Variants in DNMT3B observed in about 807,000 individuals in gnomAD.
The protein encoded by DNMT3B is DNA methyltransferase 3 beta, also known as DNA (cytosine-5)-methyltransferase 3B.
Under a neutral mutation model 120.2 loss-of-function variants are expected in DNMT3B, and 37 were observed. That is an observed-to-expected ratio of 0.31 (90% confidence interval 0.24 to 0.40). The LOEUF is 0.40. DNMT3B is among the 10% of genes least tolerant of loss of function. The pLI, the probability that DNMT3B is intolerant of heterozygous loss-of-function variation, is 1.00. For synonymous variants in DNMT3B, 412 were observed against 442.8 expected (o/e 0.93, Z 0.87); for missense variants, 878 against 1,137.3 (o/e 0.77, Z 3.28).
chr20:32,800,780 C>G lies in DNMT3B; in HGVS notation c.1906-55C>G. The G allele has an allele frequency of 6.3e-6, 10 of 1,587,666 alleles. No individual in the cohort carries two copies. In the South Asian group the frequency reaches 9.9e-5, roughly 16 times the overall value. ...CCACGCAAGATTCTAGAAGTGGGTCCAGCTCTCTTTCCCTCTGTCCACACC... is the reference window on the plus strand; with the variant it reads ...CCACGCAAGATTCTAGAAGTGGGTCGAGCTCTCTTTCCCTCTGTCCACACC... On this transcript the variant is annotated intron_variant, in intron 17 of 22. Coordinates refer to ENST00000328111, the MANE Select transcript of DNMT3B (RefSeq NM_006892.4).
At chr20:32,764,825 C>T (rs991030382) in intron 1 of DNMT3B, among the ~76,000 whole-genome samples, 1 of 152,160 alleles carries the variant, frequency 6.6e-6, no homozygotes, top group Non-Finnish European at 1.5e-5. Flanking sequence ...GAGGGGAAGA[C>T]GGTAGCTGGG....
intron 1 of DNMT3B, among the ~76,000 whole-genome samples, chr20:32,772,687 G>C (rs773407448): frequency 2.7e-4 from 41 of 152,176 alleles, no homozygotes; most frequent in Admixed American, 2.2e-3. Flanking sequence ...AGGGCAAAAA[G>C]TTTAGACTCT....
chr20:32,787,128 T>G, intron 5 of DNMT3B, 102 bp from the exon 6 acceptor site: 2 of 1,392,408 alleles, frequency 1.4e-6, no homozygotes, highest in South Asian at 2.3e-5. Context: ...AACTTCAGTC[T>G]TTCCTCTTTC....
intron 12 of DNMT3B, among the ~76,000 whole-genome samples, chr20:32,796,256 C>T (rs763941873): frequency 6.6e-6 from 1 of 152,172 alleles, no homozygotes; most frequent in African/African-American, 2.4e-5. Context: ...ACTCACTCCC[C>T]CATCTGGCTA....
At position 32,781,358 on chromosome 20, in the gene DNMT3B, A is replaced by G. The variant is rs1307425507; in HGVS notation, c.148A>G (p.Arg50Gly). Residue 50 changes from arginine to glycine, a missense_variant, in exon 3 of 23, where the codon AGA becomes GGA. Coordinates refer to ENST00000328111, the MANE Select transcript of DNMT3B (RefSeq NM_006892.4). Reference sequence around the variant, plus strand: ...CCTGGCTGTTTCCTCTACAGGCCGAAGATCAAGCTCGCGACTCTCCAAGAG... The same window carrying G: ...CCTGGCTGTTTCCTCTACAGGCCGAGGATCAAGCTCGCGACTCTCCAAGAG... ...AIRTPEIRGR[R>G]SSSRLSKREV... is the part of the protein sequence containing the mutation. The G allele has an allele frequency of 6.2e-7, 1 of 1,614,158 alleles. No individual in the cohort carries two copies. Among genetic ancestry groups the G allele is most frequent in the Non-Finnish European group, 8.5e-7 (1 of 1,180,022 alleles).
intron 4 of DNMT3B, among the ~76,000 whole-genome samples, chr20:32,785,354 A>G (rs897265477): frequency 3.3e-5 from 5 of 152,080 alleles, no homozygotes; most frequent in African/African-American, 1.2e-4. Context: ...GGTTTTCTCT[A>G]TGTGCCATTT....
At chr20:32,791,922 C>G (rs1000974300) in intron 8 of DNMT3B, among the ~76,000 whole-genome samples, 3 of 152,196 alleles carry the variant, frequency 2.0e-5, no homozygotes, top group Non-Finnish European at 2.9e-5. Context: ...GGACCACTAA[C>G]TGAATCAGAA....
At chr20:32,781,526 G>T (rs1192123966) in intron 3 of DNMT3B, 112 bp downstream of exon 3, 1 of 1,145,346 alleles carries the variant, frequency 8.7e-7, no homozygotes, top group Admixed American at 1.8e-5. Flanking sequence ...ATGGAGGGTT[G>T]CCGAGCTAGA....
chr20:32,787,610 A>C (rs1238005707), intron 6 of DNMT3B, among the ~76,000 whole-genome samples, 159 bp downstream of exon 6: 1 of 152,206 alleles, frequency 6.6e-6, no homozygotes, highest in East Asian at 1.9e-4. Flanking sequence ...TTCCATATGC[A>C]CCACGGACCT....
chr20:32,776,708 T>C (rs73906058), intron 1 of DNMT3B, among the ~76,000 whole-genome samples: 339 of 152,212 alleles, frequency 2.2e-3, no homozygotes, highest in African/African-American at 7.6e-3. Flanking sequence ...GCCTGACACA[T>C]AGTAACACTG....
chr20:32,768,213 G>T (rs1342673754), intron 1 of DNMT3B, among the ~76,000 whole-genome samples: 1 of 134,094 alleles, frequency 7.5e-6, no homozygotes, highest in East Asian at 2.4e-4. Context: ...TTTTTTTTTG[G>T]AGATGGAGTT....
intron 1 of DNMT3B, among the ~76,000 whole-genome samples, chr20:32,768,265 G>A (rs946110388): frequency 2.8e-5 from 4 of 141,244 alleles, no homozygotes; most frequent in African/African-American, 1.1e-4. Flanking sequence ...GCGGGATCTC[G>A]GCTCACCACA....
At chr20:32,767,704 G>T (rs1423763281) in intron 1 of DNMT3B, among the ~76,000 whole-genome samples, 1 of 152,206 alleles carries the variant, frequency 6.6e-6, no homozygotes, top group Non-Finnish European at 1.5e-5. Flanking sequence ...AAAGTGCTGG[G>T]ACTACAGGTG....
At chr20:32,776,729 G>T (rs1988089766) in intron 1 of DNMT3B, among the ~76,000 whole-genome samples, 1 of 152,154 alleles carries the variant, frequency 6.6e-6, no homozygotes, top group Non-Finnish European at 1.5e-5. Context: ...AAAAAAAGAT[G>T]ACCTTATTGG....
At chr20:32,775,858 C>T (rs1988041639) in intron 1 of DNMT3B, among the ~76,000 whole-genome samples, 1 of 152,234 alleles carries the variant, frequency 6.6e-6, no homozygotes, top group African/African-American at 2.4e-5. Flanking sequence ...TTTGGCACTG[C>T]CACTTCTCTG....
At chr20:32,801,653 C>T (rs1422419273) in intron 19 of DNMT3B, among the ~76,000 whole-genome samples, 6 of 152,152 alleles carry the variant, frequency 3.9e-5, no homozygotes, top group African/African-American at 1.2e-4. Flanking sequence ...GGCATTATTA[C>T]AGCTCACTGG....
At chr20:32,794,964 C>T (rs2424918) in intron 10 of DNMT3B, among the ~76,000 whole-genome samples, 66,504 of 151,944 alleles carry the variant, frequency 0.44, 15,618 homozygotes, top group East Asian at 0.92. Flanking sequence ...ACTCATATGT[C>T]TAGGCTAGTC....
intron 1 of DNMT3B, among the ~76,000 whole-genome samples, chr20:32,770,867 C>A (rs1290417195): frequency 6.6e-6 from 1 of 152,190 alleles, no homozygotes; most frequent in East Asian, 1.9e-4. Flanking sequence ...CTGCCTCAGC[C>A]TCCCAAAGTG....
At chr20:32,766,952 G>T (rs528499442) in intron 1 of DNMT3B, among the ~76,000 whole-genome samples, 2 of 152,006 alleles carry the variant, frequency 1.3e-5, no homozygotes, top group Admixed American at 1.3e-4. Flanking sequence ...GTGCAATGGC[G>T]TGGTCTCGGC....
Sources: gnomAD v4.1 joint callset for allele counts (sites outside exome capture counted in the v4.1 genomes callset) on GRCh38, gnomAD v4.1.1 for gene constraint, MANE v1.5 for transcripts, NCBI Gene and HGNC (gene_info 2026-07-23, HGNC 2026-07-21) for gene names.